TENT5D: variants seen among roughly 807,000 people sequenced by gnomAD.
TENT5D encodes terminal nucleotidyltransferase 5D, also known as cancer/testis antigen 112.
For synonymous variants in TENT5D, 103 were observed against 100.6 expected (o/e 1.02, Z -0.15); for missense variants, 191 against 287.0 (o/e 0.67, Z 2.42).
chrX:80,418,285 G>T (rs1223490160), upstream of TENT5D, among the ~76,000 whole-genome samples: 1 of 110,212 alleles, frequency 9.1e-6, no homozygotes, highest in Non-Finnish European at 1.9e-5. Flanking sequence ...AAATTGGTAG[G>T]ATTACCAGTT....
chrX:80,444,824 A>G (rs905641386), exon 3 of TENT5D: 7 of 122,655 alleles, frequency 5.7e-5, no homozygotes, highest in Admixed American at 4.8e-4. Flanking sequence ...TACTTACTAC[A>G]TCGAGTATAC....
At chrX:80,387,976 T>C (rs982029057) in intron 3 of TENT5D, among the ~76,000 whole-genome samples, 3 of 111,211 alleles carry the variant, frequency 2.7e-5, no homozygotes, top group African/African-American at 9.8e-5. Flanking sequence ...CTCTCCTCTT[T>C]CTACAGACAG....
chrX:80,443,128 G>T lies in TENT5D; in HGVS notation c.589G>T (p.Glu197Ter), dbSNP rs2147573575. The stretch of plus-strand genomic sequence containing the variant: ...TGACAAAAATGCCAAGCTAACCAAA[G>T]AATCCTATCCTGTTGTGGTAGCTGA... Residue 197 changes from glutamate to a stop codon, truncating the protein, a stop_gained, in exon 3 of 3, where the codon GAA (glutamate) becomes TAA (stop). Coordinates refer to ENST00000308293, the Ensembl canonical transcript of TENT5D. LOFTEE classifies it low-confidence loss of function (END_TRUNC). The T allele has an allele frequency of 8.3e-7, 1 of 1,209,216 alleles. No individual in the cohort carries two copies. The highest frequency in any genetic ancestry group is 1.8e-5 in the South Asian group (1 of 56,812).
chrX:80,365,884 C>G (rs1930501231), intron 3 of TENT5D, among the ~76,000 whole-genome samples: 1 of 109,682 alleles, frequency 9.1e-6, no homozygotes, highest in Non-Finnish European at 1.9e-5. Flanking sequence ...AGATAATATA[C>G]TTAAAGTATT....
chrX:80,408,097 A>T lies in TENT5D; in HGVS notation c.-141-30513A>T, dbSNP rs1203331731. Among the ~76,000 whole-genome samples, 7 of 109,613 alleles carry T rather than the reference A, an allele frequency of 6.4e-5. No homozygotes were observed. In the East Asian group the frequency reaches 2.0e-3, roughly 32 times the overall value. ...TACCAGAATCTCTGGGACACATTCA[A>T]AGCAGTGTGTAGAGGGAAATTTGTA... is the stretch of plus-strand genomic sequence containing the variant. On this transcript the variant is annotated intron_variant, in intron 3 of 4. Coordinates refer to the TENT5D transcript ENST00000538312.
chrX:80,364,624 CA>C (rs1239787998), intron 3 of TENT5D, among the ~76,000 whole-genome samples: 2 of 109,763 alleles, frequency 1.8e-5, no homozygotes, highest in Admixed American at 9.9e-5. Flanking sequence ...GAGGAGAGAT[CA>C]GGGGTCACTT....
chrX:80,404,815 C>T (rs1931450501), intron 3 of TENT5D, among the ~76,000 whole-genome samples: 1 of 111,884 alleles, frequency 8.9e-6, no homozygotes, highest in Non-Finnish European at 1.9e-5. Flanking sequence ...TTTAAAAACA[C>T]ATACAGAAAG....
intron 3 of TENT5D, among the ~76,000 whole-genome samples, chrX:80,369,112 G>T (rs1274332603): frequency 8.9e-6 from 1 of 111,768 alleles, no homozygotes; most frequent in African/African-American, 3.2e-5. Context: ...TTTTGCTGCA[G>T]TTATCCAGTG....
intron 3 of TENT5D, among the ~76,000 whole-genome samples, chrX:80,359,498 A>G (rs902910843): frequency 1.8e-5 from 2 of 110,754 alleles, no homozygotes; most frequent in Non-Finnish European, 3.8e-5. Flanking sequence ...ATCGTGGATG[A>G]AGCTGGAAAC....
intron 3 of TENT5D, among the ~76,000 whole-genome samples, chrX:80,363,946 G>A (rs1482108909): frequency 1.8e-5 from 2 of 112,437 alleles, no homozygotes; most frequent in Non-Finnish European, 3.8e-5. Context: ...TTGTGCATGT[G>A]TGGTGAGAAC....
At chrX:80,421,842 G>C (rs1297784368) in intron 1 of TENT5D, among the ~76,000 whole-genome samples, 1 of 110,982 alleles carries the variant, frequency 9.0e-6, no homozygotes, top group South Asian at 3.9e-4. Context: ...AAAATGCCAC[G>C]TCTTTCAGCA....
intron 3 of TENT5D, among the ~76,000 whole-genome samples, chrX:80,407,426 AC>A (rs1211822601): frequency 1.8e-5 from 2 of 109,444 alleles, no homozygotes; most frequent in East Asian, 5.7e-4. Flanking sequence ...CAAATGGAAA[AC>A]AAAAAAAGGC....
At chrX:80,375,210 T>C (rs1423780512) in intron 3 of TENT5D, among the ~76,000 whole-genome samples, 1 of 111,658 alleles carries the variant, frequency 9.0e-6, no homozygotes, top group Non-Finnish European at 1.9e-5. Context: ...AAACAAAACT[T>C]AAATTTCATA....
At chrX:80,343,271 A>G (rs1031328525) in intron 3 of TENT5D, among the ~76,000 whole-genome samples, 2 of 111,746 alleles carry the variant, frequency 1.8e-5, no homozygotes, top group African/African-American at 6.5e-5. Flanking sequence ...TGGTGCAGTC[A>G]CTGTGGCATC....
chrX:80,412,225 C>T (rs1229990453), intron 3 of TENT5D, among the ~76,000 whole-genome samples: 1 of 112,513 alleles, frequency 8.9e-6, no homozygotes, highest in Non-Finnish European at 1.9e-5. Flanking sequence ...GGACACAGGG[C>T]ACCAAGTCAC....
At chrX:80,337,817 G>C (rs757197146) in intron 2 of TENT5D, among the ~76,000 whole-genome samples, 1 of 110,510 alleles carries the variant, frequency 9.0e-6, no homozygotes, top group Non-Finnish European at 1.9e-5. Flanking sequence ...GCCCAGGCTG[G>C]AGTGCAGTGC....
chrX:80,418,274 C>T (rs1931815770), upstream of TENT5D, among the ~76,000 whole-genome samples: 1 of 110,266 alleles, frequency 9.1e-6, no homozygotes, highest in African/African-American at 3.3e-5. Flanking sequence ...CTCAGCCTCC[C>T]AAATTGGTAG....
Position 80,389,943 on chromosome X carries a change from G to A in TENT5D, c.-142+47379G>A, listed in dbSNP as rs1317069093. ...ATTCTGTTTTGATGAAAATGATACAGTAGAGTGGGAAAGGATGAAACTTCA... is the reference window on the plus strand; with the variant it reads ...ATTCTGTTTTGATGAAAATGATACAATAGAGTGGGAAAGGATGAAACTTCA... On this transcript the variant is annotated intron_variant, in intron 3 of 4. Coordinates refer to the TENT5D transcript ENST00000538312. 7.2e-5 allele frequency among the ~76,000 whole-genome samples: 8 copies of A among 111,884 alleles called. No individual in the cohort carries two copies. In the Admixed American group the frequency reaches 7.6e-4, roughly 11 times the overall value.
At chrX:80,383,223 A>G (rs1028057650) in intron 3 of TENT5D, among the ~76,000 whole-genome samples, 1 of 112,472 alleles carries the variant, frequency 8.9e-6, no homozygotes, top group Non-Finnish European at 1.9e-5. Context: ...GCTACTTTAT[A>G]TGACATTCCA....
Sources: gnomAD v4.1 joint callset for allele counts (sites outside exome capture counted in the v4.1 genomes callset) on GRCh38, gnomAD v4.1.1 for gene constraint, MANE v1.5 for transcripts, NCBI Gene and HGNC (gene_info 2026-07-23, HGNC 2026-07-21) for gene names.